Variants in C3orf52 observed in about 807,000 individuals in gnomAD.
C3orf52 encodes TPA-induced transmembrane protein.
In C3orf52, 22 loss-of-function variants were observed where a neutral mutation model predicts 24.8. That is an observed-to-expected ratio of 0.89 (90% CI 0.63 to 1.27). The LOEUF is 1.27. C3orf52 is among the 50% of genes most tolerant of loss of function. The pLI is 0.00. For missense variants in C3orf52, 265 were observed against 260.7 expected (o/e 1.02, Z -0.11); for synonymous variants, 93 against 100.2 (o/e 0.93, Z 0.43).
At chr3:112,104,509 C>T (rs1157425629) in intron 3 of C3orf52, among the ~76,000 whole-genome samples, 2 of 152,174 alleles carry the variant, frequency 1.3e-5, no homozygotes, top group African/African-American at 4.8e-5. Context: ...TGGGTACCCA[C>T]GCATGAGATT....
downstream of C3orf52, chr3:112,134,795 C>G (rs1212403153): frequency 6.5e-6 from 1 of 154,688 alleles, no homozygotes; most frequent in African/African-American, 2.4e-5. Context: ...ACAACAGAAT[C>G]CTGACCATCA....
chr3:112,135,619 A>G (rs1413021634), downstream of C3orf52, among the ~76,000 whole-genome samples: 2 of 72,870 alleles, frequency 2.7e-5, no homozygotes, highest in Non-Finnish European at 7.4e-5. Context: ...TCACTTTTCT[A>G]AAAAAACACA....
intron 4 of C3orf52, chr3:112,112,417 G>C (rs902853581): frequency 3.2e-5 from 5 of 157,308 alleles, no homozygotes; most frequent in Admixed American, 2.4e-4. Flanking sequence ...TGATACACAG[G>C]GTGGTCTCTG....
chr3:112,092,491 C>T (rs752642138), intron 1 of C3orf52, among the ~76,000 whole-genome samples: 7 of 152,098 alleles, frequency 4.6e-5, no homozygotes, highest in East Asian at 3.8e-4. Context: ...CCTCATAAAC[C>T]GGAGCTCTGC....
At chr3:112,127,795 C>T (rs533512437) in intron 4 of C3orf52, among the ~76,000 whole-genome samples, 65 of 152,286 alleles carry the variant, frequency 4.3e-4, no homozygotes, top group African/African-American at 1.4e-3. Flanking sequence ...ATCTTTGCTT[C>T]TGAGGCTTTC....
In C3orf52 at chr3:112,116,666, T is replaced by C; in HGVS notation, c.*20T>C. 6.3e-7 allele frequency: 1 copy of C among 1,593,014 alleles called. No homozygotes were observed. Among genetic ancestry groups the C allele is most frequent in the East Asian group, 2.2e-5 (1 of 44,454 alleles). On this transcript the variant is annotated 3_prime_UTR_variant, in exon 6 of 6. Coordinates refer to ENST00000264848, the MANE Select transcript of C3orf52 (RefSeq NM_024616.3). ...GAATGAAGTGATGGAGGCTGGTCTC[T>C]GTCTGAAAGCAGTGCTCTACCAAGT...
At chr3:112,131,965 T>A (rs947806621), downstream of C3orf52, among the ~76,000 whole-genome samples, 23 of 152,228 alleles carry the variant, frequency 1.5e-4, no homozygotes, top group South Asian at 6.2e-4. Flanking sequence ...AGTAAAAAAA[T>A]TTTTTTAAAG....
rs2074155575 is a variant in C3orf52, at chr3:112,118,132, T to G, written c.*1486T>G. The G allele has an allele frequency of 6.6e-6, 1 of 152,284 alleles. No homozygotes were observed. The highest frequency in any genetic ancestry group is 1.5e-5 in the Non-Finnish European group (1 of 68,052). The allele number at this position is 152,284 out of a possible 1,614,324, so 9.4% of individuals were successfully genotyped here. On this transcript the variant is annotated 3_prime_UTR_variant, in exon 6 of 6. Coordinates refer to ENST00000264848, the MANE Select transcript of C3orf52 (RefSeq NM_024616.3). ...TGTTAAATGTGAACCTTAGTGTATT[T>G]GTATTTTGTAGAAAATAATGAAAAA...
chr3:112,123,428 TA>T, intron 4 of C3orf52: 3 of 1,601,566 alleles, frequency 1.9e-6, no homozygotes, highest in Non-Finnish European at 2.6e-6. Flanking sequence ...TTGTTGGTGC[TA>T]AACAAATGCT....
chr3:112,109,045 T>C (rs2074053759), intron 3 of C3orf52, among the ~76,000 whole-genome samples: 1 of 152,200 alleles, frequency 6.6e-6, no homozygotes, highest in Non-Finnish European at 1.5e-5. Flanking sequence ...CCTCCATATT[T>C]TTGCAGTTCC....
chr3:112,133,310 G>T, downstream of C3orf52: 1 of 614,370 alleles, frequency 1.6e-6, no homozygotes, highest in Non-Finnish European at 2.9e-6. Flanking sequence ...TTAGAGGCAC[G>T]CATGTGCAGA....
At chr3:112,091,090 C>T (rs2073873048) in intron 1 of C3orf52, among the ~76,000 whole-genome samples, 2 of 152,182 alleles carry the variant, frequency 1.3e-5, no homozygotes, top group South Asian at 2.1e-4. Context: ...GTGCTCCCCT[C>T]GCACCTCTGA....
intron 2 of C3orf52, among the ~76,000 whole-genome samples, chr3:112,098,292 C>CTGAGTCTAT (rs2073942373): frequency 6.6e-6 from 1 of 152,232 alleles, no homozygotes; most frequent in South Asian, 2.1e-4. Context: ...CTGCCAACTT[C>CTGAGTCTAT]ATTATACTCT....
chr3:112,119,079 C>G (rs1434764430), downstream of C3orf52, among the ~76,000 whole-genome samples: 1 of 151,930 alleles, frequency 6.6e-6, no homozygotes, highest in African/African-American at 2.4e-5. Flanking sequence ...AAAAAAATAC[C>G]CAGGGGTCAA....
chr3:112,096,112 A>G (rs2073924346), intron 2 of C3orf52, among the ~76,000 whole-genome samples: 1 of 152,164 alleles, frequency 6.6e-6, no homozygotes, highest in Non-Finnish European at 1.5e-5. Flanking sequence ...AGACCCCTTA[A>G]TCTCCTGTCT....
chr3:112,116,549 A>T (rs2074134784), intron 5 of C3orf52, 93 bp from the exon 6 acceptor site: 2 of 1,193,406 alleles, frequency 1.7e-6, no homozygotes, highest in Non-Finnish European at 1.2e-6. Flanking sequence ...CTAAGATTTT[A>T]CACTAAAATT....
downstream of C3orf52, chr3:112,133,975 C>G (rs938802252): frequency 6.6e-5 from 10 of 152,402 alleles, no homozygotes; most frequent in African/African-American, 2.4e-4. Flanking sequence ...CCTGTCCAGC[C>G]CCCCTATCCC....
chr3:112,095,055 G>C (rs562940886), intron 2 of C3orf52, among the ~76,000 whole-genome samples: 4 of 152,270 alleles, frequency 2.6e-5, no homozygotes, highest in South Asian at 2.1e-4. Flanking sequence ...TGTAATTCCT[G>C]AAGGAATAGG....
downstream of C3orf52, chr3:112,133,139 G>T: frequency 6.2e-7 from 1 of 1,613,676 alleles, no homozygotes; most frequent in Non-Finnish European, 8.5e-7. Context: ...TCCTCTCAGG[G>T]CTTCCCCTCC....
Sources: allele counts gnomAD v4.1 joint callset (sites outside exome capture counted in the v4.1 genomes callset), GRCh38; gene constraint gnomAD v4.1.1; transcripts MANE v1.5; gene names NCBI Gene and HGNC (gene_info 2026-07-23, HGNC 2026-07-21).